PFKFB2: variants seen among roughly 807,000 people sequenced by gnomAD.
PFKFB2 encodes the protein 6-phosphofructo-2-kinase/fructose-2,6-bisphosphatase 2.
In PFKFB2, 53 loss-of-function variants were observed where a neutral mutation model predicts 68.0. That is an observed-to-expected ratio of 0.78 (90% CI 0.63 to 0.98). The LOEUF is 0.98. Ranked by LOEUF, PFKFB2 falls within the 50% of genes least tolerant of loss-of-function variation. The pLI is 0.00. For missense variants in PFKFB2, 451 were observed against 642.0 expected (o/e 0.70, Z 3.22); for synonymous variants, 222 against 227.6 (o/e 0.98, Z 0.22).
At chr1:207,059,655 G>A (rs1057509468) in intron 2 of PFKFB2, among the ~76,000 whole-genome samples, 3 of 152,098 alleles carry the variant, frequency 2.0e-5, no homozygotes, top group African/African-American at 7.2e-5. Context: ...AGGACTAAAA[G>A]CCAAGCCCTC....
At position 207,063,178 on chromosome 1, in the gene PFKFB2, C is replaced by T. The variant is rs544901755; in HGVS notation, c.344C>T (p.Ala115Val). The change falls in exon 5 of 15, where the codon GCG becomes GTG. Residue 115 changes from alanine to valine, a missense_variant. By Grantham distance (64) the Ala-to-Val change is moderately conservative (BLOSUM62 0). Transcript: ENST00000367080. The surrounding 1 kb of genome is among the most constrained non-coding windows in gnomAD (Gnocchi z 4.1). ...CALVALEDVKAYLTEENGQIA... is the reference protein window; with the variant it reads ...CALVALEDVKVYLTEENGQIA... ...CTGGTGGCGCTGGAAGATGTTAAGG[C>T]GTATCTCACTGAGGAGAATGGTCAG... 71 of 1,613,892 alleles carry T rather than the reference C, an allele frequency of 4.4e-5. No individual in the cohort carries two copies. In the East Asian group the frequency reaches 7.6e-4, roughly 17 times the overall value.
intron 1 of PFKFB2, among the ~76,000 whole-genome samples, chr1:207,038,209 T>C (rs1448117929): frequency 6.6e-6 from 1 of 152,218 alleles, no homozygotes; most frequent in Admixed American, 6.5e-5. Context: ...GTTCATTCAT[T>C]CAACTATATA....
At chr1:207,049,852 G>T, upstream of PFKFB2, 1 of 797,246 alleles carries the variant, frequency 1.3e-6, no homozygotes. Flanking sequence ...GGAGAATACA[G>T]TTTTGCAAGT....
upstream of PFKFB2, chr1:207,052,187 C>T (rs764749834): frequency 1.6e-5 from 25 of 1,612,586 alleles, no homozygotes; most frequent in African/African-American, 2.1e-4. Context: ...AAACTCACCT[C>T]CACTGTAAAA....
chr1:207,049,793 T>G, upstream of PFKFB2: 3 of 1,419,518 alleles, frequency 2.1e-6, no homozygotes, highest in South Asian at 4.2e-5. Context: ...TCTAGCCAAG[T>G]CTGTAAATTA....
At position 207,073,252 on chromosome 1, in the gene PFKFB2, G is replaced by A. The variant is rs986353905; in HGVS notation, c.*881G>A. ...TGGGTCTTTTGAGGTCTGCAGAGTG[G>A]GGTTTAGGAGAGTAGGGTGGGCTCT... is the stretch of plus-strand genomic sequence containing the variant. On this transcript the variant is annotated 3_prime_UTR_variant, in exon 15 of 15. Transcript: ENST00000367080. The A allele has an allele frequency of 1.5e-5, 15 of 985,284 alleles. No individual in the cohort carries two copies. The African/African-American group carries it at 2.6e-4, about 17-fold the overall frequency. The allele number at this position is 985,284 out of a possible 1,614,324, so 61.0% of individuals were successfully genotyped here.
In PFKFB2 at chr1:207,063,436, C is replaced by T. The variant is rs761380567; in HGVS notation, c.450+15C>T. 1 of 1,588,228 alleles carries T rather than the reference C, an allele frequency of 6.3e-7. No homozygotes were observed. The highest frequency in any genetic ancestry group is 8.6e-7 in the Non-Finnish European group (1 of 1,157,914). On this transcript the variant is annotated intron_variant, in intron 6 of 14. Coordinates refer to ENST00000367080, the MANE Select transcript of PFKFB2 (RefSeq NM_006212.2). This position sits in a 1 kb window ranked among gnomAD's most constrained non-coding sequence, Gnocchi z 4.1. ...ATTCCTTCAAGGTAGGATCTGACTC[C>T]ATGTTGGAGGAAAAGGGATGAGTAG...
chr1:207,045,207 T>A (rs1451805557), intron 2 of PFKFB2: 1 of 152,426 alleles, frequency 6.6e-6, no homozygotes. Flanking sequence ...TCGAATCTTT[T>A]AGAAATTATC....
intron 2 of PFKFB2, chr1:207,044,727 A>G (rs1682552674): frequency 6.6e-6 from 1 of 152,460 alleles, no homozygotes. Flanking sequence ...CATTGCTTTA[A>G]AAATGTTTGG....
At chr1:207,045,816 T>G (rs1239292644) in intron 2 of PFKFB2, 1 of 150,716 alleles carries the variant, frequency 6.6e-6, no homozygotes, top group African/African-American at 2.5e-5. Context: ...TAATTCCTCA[T>G]TATTATTTTG....
chr1:207,060,685 G>A (rs889129126), intron 2 of PFKFB2, among the ~76,000 whole-genome samples: 1 of 152,182 alleles, frequency 6.6e-6, no homozygotes, highest in Admixed American at 6.5e-5. Flanking sequence ...TATTATAGGA[G>A]CCAGCTCAGT....
rs1390059099 is a variant in PFKFB2 at position 207,072,582 on chromosome 1, CA to C, written c.*212del. The C allele has an allele frequency of 6.7e-5, 89 of 1,337,966 alleles. 1 individual carries two copies. Among genetic ancestry groups the C allele is most frequent in the Non-Finnish European group, 8.3e-5 (87 of 1,046,390 alleles). 82.9% of individuals were successfully genotyped at this position (1,337,966 alleles called of 1,614,324 possible). Reference sequence around the variant, plus strand: ...CTTCAGTTTGAAACATCTTTTCACCCAGGGGCAAGTTAGCAAATTGAGTCTT... The same window carrying C: ...CTTCAGTTTGAAACATCTTTTCACCCGGGGCAAGTTAGCAAATTGAGTCTT... On this transcript the variant is annotated 3_prime_UTR_variant, in exon 15 of 15. Coordinates refer to ENST00000367080, the MANE Select transcript of PFKFB2 (RefSeq NM_006212.2).
rs944217773 is a variant in PFKFB2 at position 207,073,474 on chromosome 1, A to T, written c.*1103A>T. The T allele has an allele frequency of 1.0e-5, 10 of 985,338 alleles. No individual in the cohort carries two copies. The highest frequency in any genetic ancestry group is 1.2e-5 in the Non-Finnish European group (10 of 829,922). The allele number at this position is 985,338 out of a possible 1,614,324, so 61.0% of individuals were successfully genotyped here. A position where few individuals can be genotyped will look rare whatever the true frequency, so the allele number is the denominator to read the frequency against. On this transcript the variant is annotated 3_prime_UTR_variant, in exon 15 of 15. Coordinates refer to ENST00000367080, the MANE Select transcript of PFKFB2 (RefSeq NM_006212.2). ...AGAGAAGAGTTCACTAAAACTGCTT[A>T]TTTTTGAATAATTTCAGCACACTGT...
chr1:207,063,344 C>G lies in PFKFB2; in HGVS notation c.376-3C>G. ...TCATTTACCTTGTGTACTTTCTTCA[C>G]AGGTGTTTGATGCCACCAATACAAC... On this transcript the variant is annotated splice_region_variant and splice_polypyrimidine_tract_variant and intron_variant, in intron 5 of 14. Transcript: ENST00000367080. The surrounding 1 kb of genome is among the most constrained non-coding windows in gnomAD (Gnocchi z 4.1). 6.2e-7 allele frequency: 1 copy of G among 1,611,280 alleles called. No individual in the cohort carries two copies. The highest frequency in any genetic ancestry group is 2.2e-5 in the East Asian group (1 of 44,862).
chr1:207,050,642 C>T (rs770970111), upstream of PFKFB2: 10 of 1,604,598 alleles, frequency 6.2e-6, 1 homozygote, highest in East Asian at 2.2e-4. Context: ...TCACGCCCCT[C>T]TCCATCCTCC....
At chr1:207,072,144 T>C (rs1035414364) in intron 14 of PFKFB2, 60 bp from the exon 15 acceptor site, 3 of 1,589,602 alleles carry the variant, frequency 1.9e-6, no homozygotes, top group Non-Finnish European at 2.6e-6. Flanking sequence ...ATTATTAACC[T>C]GTATGAGTGA....
intron 14 of PFKFB2, among the ~76,000 whole-genome samples, 183 bp downstream of exon 14, chr1:207,071,756 C>T (rs1683472399): frequency 2.6e-5 from 4 of 152,036 alleles, no homozygotes; most frequent in Admixed American, 2.6e-4. Context: ...AAATTAGTAC[C>T]CCTTTCATGA....
rs907517236 is a variant in PFKFB2 at position 207,072,728 on chromosome 1, T to C, written c.*357T>C. 8 of 1,027,708 alleles carry C rather than the reference T, an allele frequency of 7.8e-6. No homozygotes were observed. The African/African-American group carries it at 1.0e-4, about 13-fold the overall frequency. The allele number at this position is 1,027,708 out of a possible 1,614,324, so 63.7% of individuals were successfully genotyped here. A position where few individuals can be genotyped will look rare whatever the true frequency, so the allele number is the denominator to read the frequency against. ...CTGTTCCCTGGTGTCTTCACTAATG[T>C]CCTCATGTTGGTGAAGTGTTGGGGG... On this transcript the variant is annotated 3_prime_UTR_variant, in exon 15 of 15. Transcript: ENST00000367080.
chr1:207,068,039 T>C, intron 9 of PFKFB2, 124 bp from the exon 10 acceptor site: 1 of 829,976 alleles, frequency 1.2e-6, no homozygotes, highest in South Asian at 1.8e-5. Context: ...TTGACCATGG[T>C]TATGCACGTT....
Sources: gnomAD v4.1 joint callset for allele counts (sites outside exome capture counted in the v4.1 genomes callset) on GRCh38, gnomAD v4.1.1 for gene constraint, Gnocchi (gnomAD v3.1) non-coding constraint, MANE v1.5 for transcripts, NCBI Gene and HGNC (gene_info 2026-07-23, HGNC 2026-07-21) for gene names.